Variants in USP22 observed in about 807,000 individuals in gnomAD.
USP22 encodes the protein ubiquitin specific peptidase 22.
USP22 carries 22 observed loss-of-function variants against 68.1 expected under a neutral mutation model. The ratio of observed to expected loss-of-function variants is 0.32; its 90% CI spans 0.23 to 0.46. The LOEUF is 0.46. USP22 is among the 20% of genes least tolerant of loss of function. The probability of loss-of-function intolerance (pLI) is 1.00; values close to 1 mark genes in which losing one functional copy is unlikely to be tolerated. For synonymous variants in USP22, 279 were observed against 274.2 expected, an observed-to-expected ratio of 1.02 and a Z score of -0.17; for missense variants, 433 against 695.8, an observed-to-expected ratio of 0.62 and a Z score of 4.25.
intron 8 of USP22, among the ~76,000 whole-genome samples, chr17:21,009,538 G>T (rs1913882325): frequency 6.6e-6 from 1 of 152,104 alleles, no homozygotes; most frequent in Non-Finnish European, 1.5e-5. Context: ...AACAACACAG[G>T]CTTCCCACAC....
intron 1 of USP22, chr17:21,042,148 T>G (rs1972441951): frequency 6.6e-6 from 1 of 152,580 alleles, no homozygotes; most frequent in African/African-American, 2.4e-5. Context: ...CTCATTTTTT[T>G]GAAATATTTC....
chr17:21,041,381 T>C (rs1177820125), intron 1 of USP22, among the ~76,000 whole-genome samples: 1 of 151,810 alleles, frequency 6.6e-6, no homozygotes, highest in Non-Finnish European at 1.5e-5. Flanking sequence ...GTGGATCACC[T>C]GAGATCAGGA....
intron 1 of USP22, among the ~76,000 whole-genome samples, chr17:21,036,030 CAAAAAAAAAAAAAA>C (rs35324126): frequency 3.4e-5 from 2 of 59,638 alleles, no homozygotes; most frequent in Non-Finnish European, 5.5e-5. Flanking sequence ...GACTCCGTCT[CAAAAAAAAAAAAAA>C]AAAAAAAAAA....
upstream of USP22, chr17:21,043,303 C>CCCCCCCCCCCCCCCCCCCCG (rs1567596626): frequency 3.7e-5 from 2 of 53,670 alleles, no homozygotes; most frequent in Non-Finnish European, 5.1e-5. Context: ...TAGGCCACCC[C>CCCCCCCCCCCCCCCCCCCCG]CCCCCCCCCC....
Position 21,012,918 on chromosome 17 carries a change from T to C in USP22, c.856A>G (p.Lys286Glu). The change falls in exon 7 of 13, where the codon AAG becomes GAG. Residue 286 changes from lysine (K) to glutamate (E), a missense_variant. Around this residue, in one of 4 missense-constraint regions of USP22, gnomAD observed 178 missense variants for 351.5 expected, o/e 0.51. Coordinates refer to ENST00000261497, the MANE Select transcript of USP22 (RefSeq NM_015276.2). ...TTGCAGTGGTTGGGGTTGTTGGCCTTCTTCCCATTGTCATCACCTGGAGAC... is the reference window on the plus strand; with the variant it reads ...TTGCAGTGGTTGGGGTTGTTGGCCTCCTTCCCATTGTCATCACCTGGAGAC... ...RHCKGDDNGK[K>E]ANNPNHCNCI... 5.0e-6 allele frequency: 8 copies of C among 1,614,032 alleles called. No individual in the cohort carries two copies. The highest frequency in any genetic ancestry group is 6.8e-6 in the Non-Finnish European group (8 of 1,180,002).
chr17:21,037,891 C>A (rs1030291102), intron 1 of USP22, among the ~76,000 whole-genome samples: 2 of 152,112 alleles, frequency 1.3e-5, no homozygotes, highest in Non-Finnish European at 2.9e-5. Context: ...AGAAGTTACC[C>A]TTAGAGGACT....
chr17:21,042,071 G>A (rs1262952045), intron 1 of USP22: 2 of 152,428 alleles, frequency 1.3e-5, no homozygotes, highest in East Asian at 3.9e-4. Context: ...TCCCGTCCAA[G>A]GTCGCTCCTG....
chr17:21,038,064 G>A (rs761412130), intron 1 of USP22, among the ~76,000 whole-genome samples: 1 of 152,136 alleles, frequency 6.6e-6, no homozygotes, highest in Non-Finnish European at 1.5e-5. Context: ...TGATTTGAAA[G>A]ATCCAGTTCA....
chr17:21,025,325 G>A (rs1028539737), intron 2 of USP22, among the ~76,000 whole-genome samples: 4 of 152,106 alleles, frequency 2.6e-5, no homozygotes, highest in African/African-American at 9.7e-5. Context: ...GCCACAATGA[G>A]ATACCATTTC....
intron 1 of USP22, among the ~76,000 whole-genome samples, chr17:21,040,221 C>T (rs1310034501): frequency 6.6e-6 from 1 of 152,144 alleles, no homozygotes; most frequent in Non-Finnish European, 1.5e-5. Flanking sequence ...AACAAAATGT[C>T]CTAAGCTTAC....
chr17:21,040,615 G>A (rs1266695045), intron 1 of USP22, among the ~76,000 whole-genome samples: 3 of 151,638 alleles, frequency 2.0e-5, no homozygotes, highest in Non-Finnish European at 4.4e-5. Flanking sequence ...AAAAAAAAAA[G>A]TAATTCTTAA....
At chr17:21,030,844 T>C (rs1198502041) in intron 1 of USP22, among the ~76,000 whole-genome samples, 3 of 152,240 alleles carry the variant, frequency 2.0e-5, no homozygotes, top group South Asian at 2.1e-4. Flanking sequence ...AAGGATATTA[T>C]TGGAACAATT....
chr17:21,043,134 C>CCCCCCCCCCCCCA (rs1555531424), upstream of USP22: 1 of 72,150 alleles, frequency 1.4e-5, no homozygotes, highest in African/African-American at 5.1e-5. Context: ...CCCCCCCCCC[C>CCCCCCCCCCCCCA]CCTCCCGGCC....
At chr17:21,043,313 C>CCCT (rs1972475825), upstream of USP22, 2 of 88,720 alleles carry the variant, frequency 2.3e-5, no homozygotes, top group African/African-American at 4.7e-5. Context: ...CCCCCCCCCC[C>CCCT]CCGGCACCTT....
intron 3 of USP22, among the ~76,000 whole-genome samples, chr17:21,019,783 A>G (rs1972131304): frequency 6.6e-6 from 1 of 152,260 alleles, no homozygotes; most frequent in Non-Finnish European, 1.5e-5. Flanking sequence ...AAATACTTTA[A>G]AAGACACAGC....
rs772419289 is a variant in USP22 at position 21,011,329 on chromosome 17, A to T, written c.945-20T>A. On this transcript the variant is annotated intron_variant, in intron 7 of 12. Transcript: ENST00000261497. The stretch of plus-strand genomic sequence containing the variant: ...ACTCCACTGGAAGCAGAGGGAAAAC[A>T]ATGGCTGTGAGGACTGACACCCACC... The T allele has an allele frequency of 1.4e-5, 21 of 1,551,626 alleles. No homozygotes were observed. The highest frequency in any genetic ancestry group is 1.6e-5 in the Non-Finnish European group (18 of 1,147,044).
chr17:21,011,098 A>G (rs1033824197), intron 8 of USP22, 53 bp downstream of exon 8: 5 of 1,529,376 alleles, frequency 3.3e-6, no homozygotes, highest in Non-Finnish European at 4.4e-6. Flanking sequence ...CTGATGGAGC[A>G]CAGCCTTCTG....
At chr17:21,008,338 C>A (rs745564438) in intron 8 of USP22, among the ~76,000 whole-genome samples, 1 of 152,062 alleles carries the variant, frequency 6.6e-6, no homozygotes, top group Non-Finnish European at 1.5e-5. Flanking sequence ...ATGTTACTCA[C>A]GAGAGTCACA....
chr17:21,033,288 C>T (rs1972315021), intron 1 of USP22, among the ~76,000 whole-genome samples: 2 of 152,158 alleles, frequency 1.3e-5, no homozygotes, highest in African/African-American at 4.8e-5. Flanking sequence ...AGACTGCAAG[C>T]AAATCCTGAA....
Sources: allele counts gnomAD v4.1 joint callset (sites outside exome capture counted in the v4.1 genomes callset), GRCh38; gene constraint gnomAD v4.1.1; regional missense constraint gnomAD v4.1.1; transcripts MANE v1.5; gene names NCBI Gene and HGNC (gene_info 2026-07-23, HGNC 2026-07-21).